Variants in AASDHPPT observed in about 807,000 individuals in gnomAD.
AASDHPPT encodes the protein aminoadipate-semialdehyde dehydrogenase-phosphopantetheinyl transferase, also known as L-aminoadipate-semialdehyde dehydrogenase-phosphopantetheinyl transferase.
AASDHPPT carries 23 observed loss-of-function variants against 36.4 expected under a neutral mutation model. The observed-to-expected ratio is 0.63, with a 90% CI of 0.45 to 0.89. The LOEUF is 0.89. Among genes scored for constraint, AASDHPPT ranks in the 40% least tolerant of loss-of-function variants. The pLI, the probability that AASDHPPT is intolerant of heterozygous loss-of-function variation, is 0.00. For missense variants in AASDHPPT, 377 were observed against 378.2 expected, an observed-to-expected ratio of 1.00 and a Z score of 0.03; for synonymous variants, 115 against 128.0, an observed-to-expected ratio of 0.90 and a Z score of 0.68.
rs1205630994 is a variant in AASDHPPT, at chr11:106,077,870, G to T, written c.160G>T (p.Ala54Ser). The stretch of plus-strand genomic sequence containing the variant: ...GGAGCGCATTGGCCAGTTCGTCTTT[G>T]CCCGGGACGCTAAGGCAGCCATGGT... ...EKERIGQFVF[A>S]RDAKAAMAGR... The change falls in exon 1 of 6, where the codon GCC (alanine) becomes TCC (serine). Residue 54 changes from alanine to serine, a missense_variant. Ala to Ser is a moderately conservative substitution (Grantham distance 99, BLOSUM62 1). Transcript: ENST00000278618. 3 of 1,614,144 alleles carry T rather than the reference G, an allele frequency of 1.9e-6. No homozygotes were observed. Among genetic ancestry groups the T allele is most frequent in the East Asian group, 2.2e-5 (1 of 44,864 alleles).
chr11:106,078,131 T>A (rs1861084511), intron 1 of AASDHPPT, among the ~76,000 whole-genome samples: 1 of 152,188 alleles, frequency 6.6e-6, no homozygotes. Flanking sequence ...CTCTTTCCCC[T>A]TGTTATTTCA....
rs1861331115 is a variant in AASDHPPT at position 106,097,705 on chromosome 11, A to G, written c.*798A>G. On this transcript the variant is annotated 3_prime_UTR_variant, in exon 6 of 6. Coordinates refer to ENST00000278618, the MANE Select transcript of AASDHPPT (RefSeq NM_015423.3). ...TTATCCATGAGGAAGATTTTTAACA[A>G]AAGCCTCCAGAAGATTTCCCCTCAG... The G allele has an allele frequency of 6.6e-6, 1 of 152,124 alleles. No individual in the cohort carries two copies. The highest frequency in any genetic ancestry group is 1.5e-5 in the Non-Finnish European group (1 of 68,002). The allele number at this position is 152,124 out of a possible 1,614,324, so 9.4% of individuals were successfully genotyped here.
Position 106,079,554 on chromosome 11 carries a change from A to G in AASDHPPT, c.271A>G (p.Lys91Glu). The part of the protein sequence containing the change: ...HIRLQRTAKG[K>E]PVLAKDSSNP... The stretch of plus-strand genomic sequence containing the variant: ...TCGTTTGCAAAGAACTGCAAAAGGA[A>G]AACCAGTTCTTGCAAAGGACTCATC... Residue 91 changes from lysine to glutamate, a missense_variant, in exon 2 of 6, where the codon AAA becomes GAA. By Grantham distance (56) the Lys-to-Glu change is moderately conservative (BLOSUM62 1). Coordinates refer to ENST00000278618, the MANE Select transcript of AASDHPPT (RefSeq NM_015423.3). 1.9e-6 allele frequency: 3 copies of G among 1,614,162 alleles called. No homozygotes were observed. Among genetic ancestry groups the G allele is most frequent in the Non-Finnish European group, 2.5e-6 (3 of 1,180,008 alleles).
chr11:106,095,074 C>T (rs1382094551), intron 5 of AASDHPPT, among the ~76,000 whole-genome samples: 2 of 152,022 alleles, frequency 1.3e-5, no homozygotes, highest in African/African-American at 4.8e-5. Flanking sequence ...TGCAGTGCAC[C>T]AAGATCGCAC....
chr11:106,088,063 G>A (rs1162574064), intron 2 of AASDHPPT, among the ~76,000 whole-genome samples: 2 of 152,048 alleles, frequency 1.3e-5, no homozygotes, highest in African/African-American at 2.4e-5. Context: ...GAATATTTAC[G>A]AAATCACCTT....
Position 106,098,099 on chromosome 11 carries a change from T to A in AASDHPPT, c.*1192T>A, listed in dbSNP as rs1189442128. 6.6e-6 allele frequency: 1 copy of A among 152,038 alleles called. No homozygotes were observed. The highest frequency in any genetic ancestry group is 2.4e-5 in the African/African-American group (1 of 41,432). 9.4% of individuals were successfully genotyped at this position (152,038 alleles called of 1,614,324 possible). On this transcript the variant is annotated 3_prime_UTR_variant, in exon 6 of 6. Transcript: ENST00000278618. Reference sequence around the variant, plus strand: ...TAGTACTATATGTATGTGACTTCCCTCCCCCTGCCAGAATACTCCTTGGTC... The same window carrying A: ...TAGTACTATATGTATGTGACTTCCCACCCCCTGCCAGAATACTCCTTGGTC...
chr11:106,078,614 C>T (rs901281061), intron 1 of AASDHPPT, among the ~76,000 whole-genome samples: 1 of 152,106 alleles, frequency 6.6e-6, no homozygotes, highest in East Asian at 1.9e-4. Context: ...GAAACACTTT[C>T]TGTTTGAAAT....
intron 2 of AASDHPPT, among the ~76,000 whole-genome samples, chr11:106,087,318 C>T (rs920539029): frequency 1.2e-4 from 18 of 152,066 alleles, no homozygotes; most frequent in Non-Finnish European, 1.6e-4. Context: ...ATAAGCATTA[C>T]GGTGTACATA....
chr11:106,085,043 ATAT>A (rs1411017941), intron 2 of AASDHPPT, among the ~76,000 whole-genome samples: 1 of 152,222 alleles, frequency 6.6e-6, no homozygotes, highest in East Asian at 1.9e-4. Context: ...TTTATGAGTG[ATAT>A]TATCAGAAAG....
rs1380599141 is a variant in AASDHPPT, at chr11:106,077,687, A to G, written c.-24A>G. On this transcript the variant is annotated 5_prime_UTR_variant, in exon 1 of 6. In the 5' UTR this introduces an upstream ATG that the reference lacks. Transcript: ENST00000278618. ...GCGTCCGCGCCATCAGGCCCGAGAT[A>G]GCGGCGAGGTCCGCTTTCAGTGTAT... The G allele has an allele frequency of 3.7e-6, 6 of 1,602,868 alleles. No individual in the cohort carries two copies. The highest frequency in any genetic ancestry group is 3.4e-6 in the Non-Finnish European group (4 of 1,171,858).
intron 2 of AASDHPPT, among the ~76,000 whole-genome samples, chr11:106,081,076 T>A (rs973456698): frequency 1.3e-5 from 2 of 152,224 alleles, no homozygotes; most frequent in African/African-American, 4.8e-5. Flanking sequence ...CATCAGAGTT[T>A]GATCACTATC....
At chr11:106,094,799 A>G in intron 5 of AASDHPPT, 145 bp downstream of exon 5, 1 of 534,808 alleles carries the variant, frequency 1.9e-6, no homozygotes, top group Non-Finnish European at 3.1e-6. Flanking sequence ...TTTATTAGCA[A>G]ATATTAAGAT....
chr11:106,090,468 G>T, intron 2 of AASDHPPT, 89 bp from the exon 3 acceptor site: 1 of 1,009,930 alleles, frequency 9.9e-7, no homozygotes, highest in Non-Finnish European at 1.4e-6. Flanking sequence ...AGATCTTTGG[G>T]GGGTGCTGTC....
chr11:106,079,343 T>C lies in AASDHPPT; in HGVS notation c.184-124T>C, dbSNP rs1016327364. 6.4e-6 allele frequency: 5 copies of C among 780,980 alleles called. No homozygotes were observed. In the African/African-American group the frequency reaches 8.8e-5, roughly 14 times the overall value. 48.4% of individuals were successfully genotyped at this position (780,980 alleles called of 1,614,324 possible). A position where few individuals can be genotyped will look rare whatever the true frequency, so the allele number is the denominator to read the frequency against. On this transcript the variant is annotated intron_variant, in intron 1 of 5. Transcript: ENST00000278618. ...GTCTTAATTAACGTGTGTTTAATACTTAAGTATTTTGAAAAGTTTTAAAAA... is the reference window on the plus strand; with the variant it reads ...GTCTTAATTAACGTGTGTTTAATACCTAAGTATTTTGAAAAGTTTTAAAAA...
At chr11:106,078,394 T>C (rs1233072190) in intron 1 of AASDHPPT, among the ~76,000 whole-genome samples, 2 of 152,114 alleles carry the variant, frequency 1.3e-5, no homozygotes, top group African/African-American at 4.8e-5. Flanking sequence ...TTGAAGCCAA[T>C]GAAATTGAAG....
Position 106,079,615 on chromosome 11 carries a change from A to G in AASDHPPT, c.332A>G (p.His111Arg), listed in dbSNP as rs765333011. The G allele has an allele frequency of 6.2e-7, 1 of 1,614,214 alleles. No homozygotes were observed. Among genetic ancestry groups the G allele is most frequent in the Non-Finnish European group, 8.5e-7 (1 of 1,180,020 alleles). The change falls in exon 2 of 6, where the codon CAT becomes CGT. Residue 111 changes from histidine to arginine, a missense_variant. By Grantham distance (29) the His-to-Arg change is conservative (BLOSUM62 0). Coordinates refer to ENST00000278618, the MANE Select transcript of AASDHPPT (RefSeq NM_015423.3). ...CCGAATTTCAACTTTAACATCTCTC[A>G]TCAAGGAGACTATGCAGTGCTTGCT... ...PYPNFNFNIS[H>R]QGDYAVLAAE...
rs747113482 is a variant in AASDHPPT, at chr11:106,077,685, A to G, written c.-26A>G. On this transcript the variant is annotated 5_prime_UTR_variant, in exon 1 of 6. Coordinates refer to ENST00000278618, the MANE Select transcript of AASDHPPT (RefSeq NM_015423.3). ...TTGCGTCCGCGCCATCAGGCCCGAG[A>G]TAGCGGCGAGGTCCGCTTTCAGTGT... is the stretch of plus-strand genomic sequence containing the variant. The G allele has an allele frequency of 1.2e-6, 2 of 1,602,654 alleles. No individual in the cohort carries two copies. The highest frequency in any genetic ancestry group is 1.7e-6 in the Non-Finnish European group (2 of 1,171,720).
chr11:106,077,801 G>A lies in AASDHPPT; in HGVS notation c.91G>A (p.Ala31Thr), dbSNP rs374182809. ...FSCGTWLPSR[A>T]EWLLAVRSIQ... Reference sequence around the variant, plus strand: ...CTGCGGCACTTGGCTGCCGAGCCGAGCCGAATGGCTGCTGGCAGTGCGATC... The same window carrying A: ...CTGCGGCACTTGGCTGCCGAGCCGAACCGAATGGCTGCTGGCAGTGCGATC... Residue 31 changes from alanine to threonine, a missense_variant, in exon 1 of 6, where the codon GCC becomes ACC. By Grantham distance (58) the Ala-to-Thr change is moderately conservative. Coordinates refer to ENST00000278618, the MANE Select transcript of AASDHPPT (RefSeq NM_015423.3). The A allele has an allele frequency of 6.2e-7, 1 of 1,614,086 alleles. No homozygotes were observed. The highest frequency in any genetic ancestry group is 1.3e-5 in the African/African-American group (1 of 74,950).
intron 2 of AASDHPPT, among the ~76,000 whole-genome samples, chr11:106,081,238 C>T (rs1861136554): frequency 6.6e-6 from 1 of 152,194 alleles, no homozygotes; most frequent in Non-Finnish European, 1.5e-5. Context: ...TTCCTACTAG[C>T]TACTCTTTCT....
Sources: gnomAD v4.1 joint callset for allele counts (sites outside exome capture counted in the v4.1 genomes callset) on GRCh38, gnomAD v4.1.1 for gene constraint, MANE v1.5 for transcripts, NCBI Gene and HGNC (gene_info 2026-07-23, HGNC 2026-07-21) for gene names.